SH3GL3: variants seen among roughly 807,000 people sequenced by gnomAD.
SH3GL3 encodes the protein SH3 domain containing GRB2 like 3, endophilin A3, also known as endophilin-A3.
SH3GL3 carries 33 observed loss-of-function variants against 47.7 expected under a neutral mutation model. The ratio of observed to expected loss-of-function variants is 0.69; its 90% confidence interval spans 0.52 to 0.92. The LOEUF (loss-of-function observed/expected upper bound fraction) is 0.92, where lower values mean the gene tolerates loss of function less well. SH3GL3 is among the 40% of genes least tolerant of loss of function. SH3GL3 has a pLI of 0.00. For synonymous variants in SH3GL3, 155 were observed against 148.8 expected (o/e 1.04, Z -0.30); for missense variants, 363 against 417.8 (o/e 0.87, Z 1.14).
intron 6 of SH3GL3, among the ~76,000 whole-genome samples, chr15:83,582,447 G>A (rs2151795541): frequency 6.6e-6 from 1 of 152,158 alleles, no homozygotes; most frequent in South Asian, 2.1e-4. Flanking sequence ...AGTGTGTTTT[G>A]CATTAATAAT....
chr15:83,567,313 C>T (rs1009521028), intron 3 of SH3GL3, among the ~76,000 whole-genome samples: 1 of 152,150 alleles, frequency 6.6e-6, no homozygotes, highest in African/African-American at 2.4e-5. Context: ...GCCGCCTTTC[C>T]CTTGCCCTGC....
intron 1 of SH3GL3, among the ~76,000 whole-genome samples, chr15:83,525,580 C>G (rs978261239): frequency 6.6e-6 from 1 of 151,992 alleles, no homozygotes; most frequent in African/African-American, 2.4e-5. Flanking sequence ...GAGATCTTAG[C>G]CATAAAATGT....
intron 1 of SH3GL3, among the ~76,000 whole-genome samples, chr15:83,520,477 A>C (rs556829361): frequency 6.6e-6 from 1 of 152,264 alleles, no homozygotes; most frequent in East Asian, 1.9e-4. Context: ...CTGAAACTCA[A>C]TTATCCCAGC....
intron 1 of SH3GL3, among the ~76,000 whole-genome samples, chr15:83,460,058 C>G (rs1184461493): frequency 2.1e-5 from 1 of 47,966 alleles, no homozygotes; most frequent in African/African-American, 5.9e-5. Flanking sequence ...CCCTCCCTGC[C>G]TCCCTCCCTC....
intron 1 of SH3GL3, among the ~76,000 whole-genome samples, chr15:83,533,109 A>G (rs1373412901): frequency 6.6e-6 from 1 of 152,206 alleles, no homozygotes; most frequent in East Asian, 1.9e-4. Context: ...TTGGACTTAC[A>G]TAGGTTGAGA....
chr15:83,474,231 C>T (rs1456873838), intron 1 of SH3GL3, among the ~76,000 whole-genome samples: 4 of 152,142 alleles, frequency 2.6e-5, no homozygotes, highest in African/African-American at 7.2e-5. Flanking sequence ...CACTGCCTGG[C>T]ACATAGTAGT....
chr15:83,485,994 A>G (rs1004775775), intron 1 of SH3GL3, among the ~76,000 whole-genome samples: 1 of 152,220 alleles, frequency 6.6e-6, no homozygotes, highest in Non-Finnish European at 1.5e-5. Context: ...AGACCACGTA[A>G]CATTTCATTC....
In SH3GL3 at chr15:83,602,579, G is replaced by T. The variant is rs145089753; in HGVS notation, c.838+13808G>T. On this transcript the variant is annotated intron_variant, in intron 8 of 8. Coordinates refer to ENST00000427482, the MANE Select transcript of SH3GL3 (RefSeq NM_003027.5). ...CTCATGACCTAATCACCTCCTAAAGGTCCCAGCCCTTAATACTATTGCATT... is the reference window on the plus strand; with the variant it reads ...CTCATGACCTAATCACCTCCTAAAGTTCCCAGCCCTTAATACTATTGCATT... Among the ~76,000 whole-genome samples, 77 of 152,116 alleles carry T rather than the reference G, an allele frequency of 5.1e-4. No homozygotes were observed. In the East Asian group the frequency reaches 0.014, roughly 29 times the overall value.
chr15:83,559,552 G>A (rs999785731), intron 2 of SH3GL3, among the ~76,000 whole-genome samples: 2 of 152,186 alleles, frequency 1.3e-5, no homozygotes, highest in African/African-American at 4.8e-5. Context: ...TGGCTAACTG[G>A]TACCCTCTAG....
chr15:83,617,418 T>C (rs997258199), intron 8 of SH3GL3, among the ~76,000 whole-genome samples: 8 of 152,212 alleles, frequency 5.3e-5, no homozygotes, highest in Non-Finnish European at 1.5e-5. Flanking sequence ...GGATCACGCC[T>C]GTAATCCCCA....
rs113640733 is a variant in SH3GL3, at chr15:83,467,850, C to T, written c.45+20272C>T. 8.2e-3 allele frequency among the ~76,000 whole-genome samples: 1,240 copies of T among 151,942 alleles called. 16 individuals carry two copies. Among genetic ancestry groups the T allele is most frequent in the African/African-American group, 0.029 (1,201 of 41,402 alleles). On this transcript the variant is annotated intron_variant, in intron 1 of 8. Coordinates refer to ENST00000427482, the MANE Select transcript of SH3GL3 (RefSeq NM_003027.5). ...CTTTTTTTATTTTATTTTTTTGAGACGGAGTCTCTCTCTGTCACCCAGGCT... is the reference window on the plus strand; with the variant it reads ...CTTTTTTTATTTTATTTTTTTGAGATGGAGTCTCTCTCTGTCACCCAGGCT...
chr15:83,586,414 A>G (rs1488747187), intron 6 of SH3GL3, among the ~76,000 whole-genome samples: 1 of 152,192 alleles, frequency 6.6e-6, no homozygotes, highest in Non-Finnish European at 1.5e-5. Flanking sequence ...CTTTAGCTCT[A>G]TGTTTCAGGG....
chr15:83,481,820 T>C (rs970877339), intron 1 of SH3GL3, among the ~76,000 whole-genome samples: 4 of 152,224 alleles, frequency 2.6e-5, no homozygotes, highest in African/African-American at 9.7e-5. Flanking sequence ...GCTGTGCTCT[T>C]GGAGTTAATA....
chr15:83,569,965 C>A (rs1356172232), intron 4 of SH3GL3, among the ~76,000 whole-genome samples: 1 of 152,060 alleles, frequency 6.6e-6, no homozygotes, highest in Non-Finnish European at 1.5e-5. Context: ...GCCTTCAGAC[C>A]TTGTATATGA....
At chr15:83,613,442 G>A (rs773705983) in intron 8 of SH3GL3, among the ~76,000 whole-genome samples, 15 of 152,188 alleles carry the variant, frequency 9.9e-5, no homozygotes, top group Non-Finnish European at 1.3e-4. Context: ...AGTGAGTAAT[G>A]CAGCTTTTCC....
chr15:83,565,381 T>C (rs1485527091), intron 3 of SH3GL3, 175 bp downstream of exon 3: 1 of 588,732 alleles, frequency 1.7e-6, no homozygotes, highest in Non-Finnish European at 3.0e-6. Flanking sequence ...GTCCTACTGA[T>C]GAGAAAGAGA....
intron 1 of SH3GL3, among the ~76,000 whole-genome samples, chr15:83,542,277 C>G (rs1293508119): frequency 2.0e-5 from 3 of 152,102 alleles, no homozygotes; most frequent in Non-Finnish European, 4.4e-5. Context: ...AAGGATTTCA[C>G]TGTAGATGTA....
At position 83,448,380 on chromosome 15, in the gene SH3GL3, G is replaced by A. The variant is rs2039553193; in HGVS notation, c.45+802G>A. On this transcript the variant is annotated intron_variant, in intron 1 of 8. Transcript: ENST00000427482. The surrounding 1 kb of genome is among the most constrained non-coding windows in gnomAD (Gnocchi z 4.2). ...AGAATTATGGCTGAGGGTGTGGGAT[G>A]ATAGGAGGAAAGCCGTTCTGAGCAG... Among the ~76,000 whole-genome samples, 1 of 151,942 alleles carries A rather than the reference G, an allele frequency of 6.6e-6. No individual in the cohort carries two copies. The highest frequency in any genetic ancestry group is 6.6e-5 in the Admixed American group (1 of 15,252).
At chr15:83,610,560 G>GAAAGAA (rs1445653702) in intron 8 of SH3GL3, among the ~76,000 whole-genome samples, 1 of 151,996 alleles carries the variant, frequency 6.6e-6, no homozygotes, top group Non-Finnish European at 1.5e-5. Context: ...AAAGAGAAAA[G>GAAAGAA]AAAGAAAAAG....
Sources: allele counts gnomAD v4.1 joint callset (sites outside exome capture counted in the v4.1 genomes callset), GRCh38; gene constraint gnomAD v4.1.1; non-coding constraint Gnocchi (gnomAD v3.1); transcripts MANE v1.5; gene names NCBI Gene and HGNC (gene_info 2026-07-23, HGNC 2026-07-21).